The following RAP2A variants were observed in gnomAD, a reference collection of about 807,000 sequenced individuals.
RAP2A encodes the protein ras-related protein Rap-2a.
In RAP2A, 5 loss-of-function variants were observed where a neutral mutation model predicts 15.1. The ratio of observed to expected loss-of-function variants is 0.33; its 90% confidence interval spans 0.17 to 0.70. The LOEUF (loss-of-function observed/expected upper bound fraction) is 0.70, where lower values mean the gene tolerates loss of function less well. Ranked by LOEUF, RAP2A falls within the 30% of genes least tolerant of loss-of-function variation. The pLI is 0.68. For missense variants in RAP2A, 111 were observed against 240.3 expected, an observed-to-expected ratio of 0.46 and a Z score of 3.56; for synonymous variants, 110 against 99.7, an observed-to-expected ratio of 1.10 and a Z score of -0.62.
intron 1 of RAP2A, among the ~76,000 whole-genome samples, chr13:97,443,804 C>T (rs1258786522): frequency 2.0e-5 from 3 of 152,090 alleles, no homozygotes; most frequent in African/African-American, 7.2e-5. Flanking sequence ...ATGAAGACAG[C>T]GAATGTTAAT....
intron 1 of RAP2A, among the ~76,000 whole-genome samples, chr13:97,446,696 A>G (rs184117890): frequency 2.0e-5 from 3 of 152,286 alleles, no homozygotes; most frequent in East Asian, 3.9e-4. Context: ...CTGCTGGAAA[A>G]TTCACGGAGA....
At chr13:97,438,443 G>A (rs920490248) in intron 1 of RAP2A, among the ~76,000 whole-genome samples, 9 of 152,220 alleles carry the variant, frequency 5.9e-5, no homozygotes, top group Admixed American at 1.3e-4. Context: ...TTCCTACTCC[G>A]TCTTTCACCC....
At chr13:97,464,094 C>G in intron 1 of RAP2A, 111 bp from the exon 2 acceptor site, 3 of 927,854 alleles carry the variant, frequency 3.2e-6, no homozygotes, top group Non-Finnish European at 5.1e-6. Flanking sequence ...TTTCATGCAA[C>G]TGAAGATACC....
chr13:97,441,161 C>T (rs1364400390), intron 1 of RAP2A, among the ~76,000 whole-genome samples: 1 of 151,844 alleles, frequency 6.6e-6, no homozygotes. Flanking sequence ...TTTGTCTGGC[C>T]GGGGTGATGA....
chr13:97,465,667 G>A lies in RAP2A; in HGVS notation c.*1225G>A, dbSNP rs1388249679. 1 of 152,230 alleles carries A rather than the reference G, an allele frequency of 6.6e-6. No individual in the cohort carries two copies. Among genetic ancestry groups the A allele is most frequent in the Non-Finnish European group, 1.5e-5 (1 of 68,032 alleles). 9.4% of individuals were successfully genotyped at this position (152,230 alleles called of 1,614,324 possible). On this transcript the variant is annotated 3_prime_UTR_variant, in exon 2 of 2. Transcript: ENST00000245304. ...GAACAATTTTGCCCTGATTACTGAAGCGTCAAATAAAGCTGGAGTGAAAAT... is the reference window on the plus strand; with the variant it reads ...GAACAATTTTGCCCTGATTACTGAAACGTCAAATAAAGCTGGAGTGAAAAT...
chr13:97,447,236 G>A (rs2066683680), intron 1 of RAP2A, among the ~76,000 whole-genome samples: 1 of 152,124 alleles, frequency 6.6e-6, no homozygotes. Flanking sequence ...ACATTTAATC[G>A]TATTAAGAAT....
chr13:97,448,962 A>G lies in RAP2A; in HGVS notation c.314+14178A>G, dbSNP rs1397719503. ...CCCAGGTGCACAGATGCAGTGAGCC[A>G]TCATGCCAGCACATAGGTCGCATGT... On this transcript the variant is annotated intron_variant, in intron 1 of 1. Transcript: ENST00000245304. Among the ~76,000 whole-genome samples the G allele has an allele frequency of 1.3e-5, 2 of 152,130 alleles. 1 individual carries two copies. The highest frequency in any genetic ancestry group is 3.8e-4 in the East Asian group (2 of 5,198).
rs2066769508 is a variant in RAP2A, at chr13:97,466,016, G to A, written c.*1574G>A. On this transcript the variant is annotated 3_prime_UTR_variant, in exon 2 of 2. Transcript: ENST00000245304. ...AACTGAGAGAAGAGTGTGTGTTTGT[G>A]TGTGCATGTGTGTTTATTGTTCCTA... 6.6e-6 allele frequency: 1 copy of A among 152,108 alleles called. No individual in the cohort carries two copies. Among genetic ancestry groups the A allele is most frequent in the Non-Finnish European group, 1.5e-5 (1 of 68,022 alleles). 9.4% of individuals were successfully genotyped at this position (152,108 alleles called of 1,614,324 possible).
At chr13:97,455,155 T>C (rs1353165106) in intron 1 of RAP2A, among the ~76,000 whole-genome samples, 1 of 151,562 alleles carries the variant, frequency 6.6e-6, no homozygotes, top group Non-Finnish European at 1.5e-5. Flanking sequence ...TTTTTGTTGA[T>C]CTGTTAAGTT....
intron 1 of RAP2A, among the ~76,000 whole-genome samples, chr13:97,463,815 A>G (rs7334980): frequency 0.019 from 2,870 of 152,256 alleles, 40 homozygotes; most frequent in African/African-American, 0.027. Flanking sequence ...GCTGATAATT[A>G]TAAGTTGTTT....
Position 97,466,664 on chromosome 13 carries a change from T to C in RAP2A, c.*2222T>C, listed in dbSNP as rs1366179865. 6.6e-6 allele frequency: 1 copy of C among 152,164 alleles called. No individual in the cohort carries two copies. Among genetic ancestry groups the C allele is most frequent in the Non-Finnish European group, 1.5e-5 (1 of 68,032 alleles). 9.4% of individuals were successfully genotyped at this position (152,164 alleles called of 1,614,324 possible). A position where few individuals can be genotyped will look rare whatever the true frequency, so the allele number is the denominator to read the frequency against. ...GCAGATGTGAAAATAGGTTAAATAA[T>C]ATGAAAGATATGGCAGAATGTAAAG... On this transcript the variant is annotated 3_prime_UTR_variant, in exon 2 of 2. Transcript: ENST00000245304.
At chr13:97,451,574 C>T (rs866840613) in intron 1 of RAP2A, among the ~76,000 whole-genome samples, 3 of 152,060 alleles carry the variant, frequency 2.0e-5, no homozygotes, top group Non-Finnish European at 4.4e-5. Context: ...ATTGTTCTGT[C>T]GATGGGGCAT....
At chr13:97,440,719 A>G (rs1298738049) in intron 1 of RAP2A, among the ~76,000 whole-genome samples, 2 of 152,196 alleles carry the variant, frequency 1.3e-5, no homozygotes, top group Non-Finnish European at 2.9e-5. Flanking sequence ...GAGTTTAGAG[A>G]TAAGCATACA....
chr13:97,440,396 T>C (rs2066652300), intron 1 of RAP2A, among the ~76,000 whole-genome samples: 1 of 152,084 alleles, frequency 6.6e-6, no homozygotes, highest in Admixed American at 6.6e-5. Context: ...GAAACCTCTA[T>C]CCACTTAAAT....
At chr13:97,444,460 A>G (rs1159558723) in intron 1 of RAP2A, among the ~76,000 whole-genome samples, 1 of 152,232 alleles carries the variant, frequency 6.6e-6, no homozygotes, top group African/African-American at 2.4e-5. Context: ...CTAGTTATAT[A>G]TAGTAACATG....
rs1036921189 is a variant in RAP2A at position 97,462,050 on chromosome 13, ATATT to A, written c.315-2151_315-2148del. ...TATATATTTATATATATTTATATAT[ATATT>A]TATATATATATTTATATATTATATA... On this transcript the variant is annotated intron_variant, in intron 1 of 1. Coordinates refer to ENST00000245304, the MANE Select transcript of RAP2A (RefSeq NM_021033.7). Among the ~76,000 whole-genome samples the A allele has an allele frequency of 4.1e-5, 6 of 145,390 alleles. No individual in the cohort carries two copies. The East Asian group carries it at 9.8e-4, about 24-fold the overall frequency.
chr13:97,435,571 G>A (rs1201120001), intron 1 of RAP2A, among the ~76,000 whole-genome samples: 3 of 149,128 alleles, frequency 2.0e-5, no homozygotes, highest in Non-Finnish European at 4.4e-5. Flanking sequence ...CTAATTTAAA[G>A]TTAATGTTAA....
At chr13:97,444,902 G>A (rs970873274) in intron 1 of RAP2A, among the ~76,000 whole-genome samples, 30 of 152,122 alleles carry the variant, frequency 2.0e-4, no homozygotes, top group Admixed American at 6.5e-5. Flanking sequence ...TCCTTCGACT[G>A]TGTAATTTAT....
intron 1 of RAP2A, among the ~76,000 whole-genome samples, chr13:97,438,806 G>A (rs545287123): frequency 1.3e-4 from 20 of 152,234 alleles, no homozygotes; most frequent in African/African-American, 4.3e-4. Context: ...CCAAGCCCAC[G>A]TAGGTGACAC....
Sources: gnomAD v4.1 joint callset for allele counts (sites outside exome capture counted in the v4.1 genomes callset) on GRCh38, gnomAD v4.1.1 for gene constraint, MANE v1.5 for transcripts, NCBI Gene and HGNC (gene_info 2026-07-23, HGNC 2026-07-21) for gene names.